KIF4B: variants seen among roughly 807,000 people sequenced by gnomAD.
KIF4B encodes the protein chromosome-associated kinesin KIF4B.
Under a neutral mutation model 69.0 loss-of-function variants are expected in KIF4B, and 60 were observed. That is an observed-to-expected ratio of 0.87 (90% CI 0.71 to 1.08). The LOEUF is 1.08. Among genes scored for constraint, KIF4B ranks in the 50% least tolerant of loss-of-function variants. KIF4B has a pLI of 0.00. For missense variants in KIF4B, 1,357 were observed against 1,451.9 expected (o/e 0.93, Z 1.06); for synonymous variants, 489 against 533.0 (o/e 0.92, Z 1.14).
chr5:155,015,603 C>T lies in KIF4B; in HGVS notation c.1744C>T (p.Leu582Phe). The change falls in exon 1 of 1, where the codon CTT becomes TTT. Residue 582 changes from leucine to phenylalanine, a missense_variant. By Grantham distance (22) the Leu-to-Phe change is conservative (BLOSUM62 0). Coordinates refer to ENST00000435029, the MANE Select transcript of KIF4B (RefSeq NM_001099293.3). ...GGAAAAGGAAGAATTGGTTCGTGAA[C>T]TTCAGACAGCAAAGAAGAATGTCAA... ...QKEKEELVRE[L>F]QTAKKNVNQA... is the part of the protein sequence containing the mutation. 7.4e-6 allele frequency: 12 copies of T among 1,614,210 alleles called. No individual in the cohort carries two copies. The highest frequency in any genetic ancestry group is 1.0e-5 in the Non-Finnish European group (12 of 1,180,050).
chr5:155,014,563 A>C lies in KIF4B; in HGVS notation c.704A>C (p.Lys235Thr). 6.2e-7 allele frequency: 1 copy of C among 1,614,146 alleles called. No homozygotes were observed. Among genetic ancestry groups the C allele is most frequent in the Non-Finnish European group, 8.5e-7 (1 of 1,180,006 alleles). The change falls in exon 1 of 1, where the codon AAG (lysine) becomes ACG (threonine). Residue 235 changes from lysine to threonine, a missense_variant. Transcript: ENST00000435029. ...GACAAGAATTGCAGCTTTCGCTCCA[A>C]GCTGCATCTTGTAGATCTCGCTGGA... ...KSDKNCSFRS[K>T]LHLVDLAGSE...
At position 155,014,428 on chromosome 5, in the gene KIF4B, GT is replaced by G; in HGVS notation, c.572del (p.Leu191TrpfsTer15). 1 of 1,614,178 alleles carries G rather than the reference GT, an allele frequency of 6.2e-7. No individual in the cohort carries two copies. On this transcript the variant is annotated frameshift_variant, in exon 1 of 1. Transcript: ENST00000435029. LOFTEE classifies it high-confidence loss of function. ...TTAGTTGCCTTGGATACTGTTTCCTGTTTGGAGCAGGGCAACAACTCTAGGA... is the reference window on the plus strand; with the variant it reads ...TTAGTTGCCTTGGATACTGTTTCCTGTTGGAGCAGGGCAACAACTCTAGGA... The part of the protein sequence containing the change: ...TVLVALDTVS[C>X]LEQGNNSRTV...
chr5:155,016,703 A>G lies in KIF4B; in HGVS notation c.2844A>G (p.Leu948=). The change falls in exon 1 of 1, where the codon TTA becomes TTG. Residue 948 remains leucine (L), a synonymous_variant. Transcript: ENST00000435029. ...LQESQMAEKQ[L]EKSASEKEQQ... ...AAAGCCAAATGGCAGAGAAGCAGTTAGAGAAATCAGCCAGTGAAAAGGAAC... is the reference window on the plus strand; with the variant it reads ...AAAGCCAAATGGCAGAGAAGCAGTTGGAGAAATCAGCCAGTGAAAAGGAAC... 1 of 1,614,238 alleles carries G rather than the reference A, an allele frequency of 6.2e-7. No homozygotes were observed. Among genetic ancestry groups the G allele is most frequent in the Non-Finnish European group, 8.5e-7 (1 of 1,180,042 alleles).
chr5:155,016,712 A>T lies in KIF4B; in HGVS notation c.2853A>T (p.Ser951=), dbSNP rs1765338382. 6.2e-7 allele frequency: 1 copy of T among 1,614,244 alleles called. No individual in the cohort carries two copies. The highest frequency in any genetic ancestry group is 2.2e-5 in the East Asian group (1 of 44,876). ...SQMAEKQLEK[S]ASEKEQQLVS... ...TGGCAGAGAAGCAGTTAGAGAAATC[A>T]GCCAGTGAAAAGGAACAACAGCTGG... Residue 951 remains serine (S), a synonymous_variant, in exon 1 of 1, where the codon TCA becomes TCT. Transcript: ENST00000435029.
chr5:155,014,662 T>C lies in KIF4B; in HGVS notation c.803T>C (p.Leu268Pro). 1 of 1,614,144 alleles carries C rather than the reference T, an allele frequency of 6.2e-7. No individual in the cohort carries two copies. The highest frequency in any genetic ancestry group is 8.5e-7 in the Non-Finnish European group (1 of 1,180,014). ...GGTATTAATATTAACCGAGGCCTCC[T>C]ATGCTTGGGAAATGTAATCAGTGCT... ...KEGININRGL[L>P]CLGNVISALG... Residue 268 changes from leucine to proline, a missense_variant, in exon 1 of 1, where the codon CTA becomes CCA. Leu to Pro is a moderately conservative substitution (Grantham distance 98). Coordinates refer to ENST00000435029, the MANE Select transcript of KIF4B (RefSeq NM_001099293.3).
chr5:155,017,780 AC>A lies in KIF4B; in HGVS notation c.*218del. On this transcript the variant is annotated 3_prime_UTR_variant, in exon 1 of 1. Transcript: ENST00000435029. Reference sequence around the variant, plus strand: ...TCTCTGCTCTCTAGAAGGCTGCTAAACCACCTGCTGAAGAGAGAACCAACAG... The same window carrying A: ...TCTCTGCTCTCTAGAAGGCTGCTAAACACCTGCTGAAGAGAGAACCAACAG... 1.2e-6 allele frequency: 1 copy of A among 802,638 alleles called. No individual in the cohort carries two copies. The highest frequency in any genetic ancestry group is 1.9e-6 in the Non-Finnish European group (1 of 521,698). The allele number at this position is 802,638 out of a possible 1,614,324, so 49.7% of individuals were successfully genotyped here. A position where few individuals can be genotyped will look rare whatever the true frequency, so the allele number is the denominator to read the frequency against.
In KIF4B at chr5:155,016,875, C is replaced by A. The variant is rs771771467; in HGVS notation, c.3016C>A (p.Leu1006Ile). The A allele has an allele frequency of 1.9e-6, 3 of 1,614,208 alleles. No individual in the cohort carries two copies. The South Asian group carries it at 3.3e-5, about 18-fold the overall frequency. The change falls in exon 1 of 1, where the codon CTT becomes ATT. Residue 1006 changes from leucine to isoleucine, a missense_variant. Transcript: ENST00000435029. Reference protein sequence around the residue: ...LLQVASRQKHLPNDTLLSPDS... With the variant: ...LLQVASRQKHIPNDTLLSPDS... ...CCAGGTAGCCAGCAGACAGAAACAT[C>A]TTCCTAATGATACCCTTCTATCTCC...
At position 155,016,550 on chromosome 5, in the gene KIF4B, C is replaced by T. The variant is rs1765336176; in HGVS notation, c.2691C>T (p.Asp897=). The T allele has an allele frequency of 6.2e-7, 1 of 1,614,182 alleles. No homozygotes were observed. The highest frequency in any genetic ancestry group is 8.5e-7 in the Non-Finnish European group (1 of 1,180,048). ...SLRQSKASCA[D]MQKMLFEEQN... ...GACAGAGCAAGGCCAGCTGTGCTGA[C>T]ATGCAGAAGATGCTATTTGAGGAAC... The change falls in exon 1 of 1, where the codon GAC becomes GAT. Residue 897 remains aspartate (D), a synonymous_variant. Transcript: ENST00000435029.
rs751588085 is a variant in KIF4B, at chr5:155,014,986, C to G, written c.1127C>G (p.Ser376Cys). ...GCCCATGGAGGTACCCTGCCTGGAT[C>G]TATAAATGCAGAACCATCAGAGAAT... ...LQAHGGTLPG[S>C]INAEPSENLQ... The change falls in exon 1 of 1, where the codon TCT (serine) becomes TGT (cysteine). Residue 376 changes from serine (S) to cysteine (C), a missense_variant. Ser to Cys is a moderately radical substitution (Grantham distance 112, BLOSUM62 -1). Coordinates refer to ENST00000435029, the MANE Select transcript of KIF4B (RefSeq NM_001099293.3). 3.0e-5 allele frequency: 49 copies of G among 1,614,106 alleles called. No individual in the cohort carries two copies. The highest frequency in any genetic ancestry group is 3.3e-4 in the Middle Eastern group (2 of 6,084).
In KIF4B at chr5:155,016,321, A is replaced by G; in HGVS notation, c.2462A>G (p.Glu821Gly). Residue 821 changes from glutamate (E) to glycine (G), a missense_variant, in exon 1 of 1, where the codon GAA becomes GGA. Coordinates refer to ENST00000435029, the MANE Select transcript of KIF4B (RefSeq NM_001099293.3). ...GAAGATTGTATTACAAAACAGATTG[A>G]AAGCCTAGAGACTGAAATGGAACTC... ...ESEDCITKQI[E>G]SLETEMELRS... 6.2e-7 allele frequency: 1 copy of G among 1,614,224 alleles called. No individual in the cohort carries two copies. Among genetic ancestry groups the G allele is most frequent in the Non-Finnish European group, 8.5e-7 (1 of 1,180,048 alleles).
Position 155,015,832 on chromosome 5 carries a change from C to T in KIF4B, c.1973C>T (p.Ala658Val), listed in dbSNP as rs756077306. 6.2e-7 allele frequency: 1 copy of T among 1,614,118 alleles called. No individual in the cohort carries two copies. The highest frequency in any genetic ancestry group is 1.7e-5 in the Admixed American group (1 of 60,030). Residue 658 changes from alanine to valine, a missense_variant, in exon 1 of 1, where the codon GCT becomes GTT. Physicochemically the swap from Ala to Val is moderately conservative, Grantham distance 64. Transcript: ENST00000435029. Reference sequence around the variant, plus strand: ...TTAATGCGTCAAATGAAAGAGGATGCTGAGAAGTTTAGACAATGGAAGCAG... The same window carrying T: ...TTAATGCGTCAAATGAAAGAGGATGTTGAGAAGTTTAGACAATGGAAGCAG... ...VQLMRQMKEDAEKFRQWKQKK... is the reference protein window; with the variant it reads ...VQLMRQMKEDVEKFRQWKQKK...
Position 155,013,791 on chromosome 5 carries a change from C to T in KIF4B, c.-69C>T. The T allele has an allele frequency of 6.3e-7, 1 of 1,587,220 alleles. No individual in the cohort carries two copies. ...TTGGCGGTTAAAGCTCCGGCTGGGA[C>T]AGGGCGGCGGGAGACCCCGGGTGAA... On this transcript the variant is annotated 5_prime_UTR_variant, in exon 1 of 1. Coordinates refer to ENST00000435029, the MANE Select transcript of KIF4B (RefSeq NM_001099293.3).
rs1765331235 is a variant in KIF4B at position 155,016,292 on chromosome 5, G to A, written c.2433G>A (p.Glu811=). The change falls in exon 1 of 1, where the codon GAG becomes GAA. Residue 811 remains glutamate (E), a synonymous_variant. Coordinates refer to ENST00000435029, the MANE Select transcript of KIF4B (RefSeq NM_001099293.3). ...SLSEVHGQVL[E]SEDCITKQIE... ...CTGAGGTGCATGGTCAAGTTTTGGA[G>A]TCAGAAGATTGTATTACAAAACAGA... is the stretch of plus-strand genomic sequence containing the variant. 1.2e-6 allele frequency: 2 copies of A among 1,614,104 alleles called. No homozygotes were observed. The highest frequency in any genetic ancestry group is 1.7e-6 in the Non-Finnish European group (2 of 1,180,046).
chr5:155,016,160 C>A lies in KIF4B; in HGVS notation c.2301C>A (p.Leu767=). ...TEEAKRHLND[L]LEDRKILAQD... ...AAGCCAAACGCCATCTGAATGACCT[C>A]CTTGAAGACAGAAAGATCCTGGCTC... The change falls in exon 1 of 1, where the codon CTC becomes CTA. Residue 767 remains leucine, a synonymous_variant. Transcript: ENST00000435029. The A allele has an allele frequency of 1.9e-6, 3 of 1,614,152 alleles. No homozygotes were observed. The highest frequency in any genetic ancestry group is 2.5e-6 in the Non-Finnish European group (3 of 1,180,040).
chr5:155,017,262 A>T lies in KIF4B; in HGVS notation c.3403A>T (p.Thr1135Ser), dbSNP rs369047622. 20 of 1,614,076 alleles carry T rather than the reference A, an allele frequency of 1.2e-5. No homozygotes were observed. The African/African-American group carries it at 1.6e-4, about 13-fold the overall frequency. ...GGATAGCTTGGGCACTGTTGAACAG[A>T]CCCAGGATTCCGAAGGCTCCTTCAA... Reference protein sequence around the residue: ...GKDSLGTVEQTQDSEGSFKLE... With the variant: ...GKDSLGTVEQSQDSEGSFKLE... Residue 1135 changes from threonine (T) to serine (S), a missense_variant, in exon 1 of 1, where the codon ACC (threonine) becomes TCC (serine). Coordinates refer to ENST00000435029, the MANE Select transcript of KIF4B (RefSeq NM_001099293.3).
rs754976941 is a variant in KIF4B, at chr5:155,016,956, A to C, written c.3097A>C (p.Lys1033Gln). 1.9e-6 allele frequency: 3 copies of C among 1,614,204 alleles called. No individual in the cohort carries two copies. The East Asian group carries it at 6.7e-5, about 36-fold the overall frequency. Reference protein sequence around the residue: ...PKPKPSRVKEKFLEQSMDIED... With the variant: ...PKPKPSRVKEQFLEQSMDIED... ...GCCAAAACCTTCTCGTGTTAAAGAAAAGTTTCTGGAGCAAAGCATGGACAT... is the reference window on the plus strand; with the variant it reads ...GCCAAAACCTTCTCGTGTTAAAGAACAGTTTCTGGAGCAAAGCATGGACAT... The change falls in exon 1 of 1, where the codon AAG becomes CAG. Residue 1033 changes from lysine to glutamine, a missense_variant. Physicochemically the swap from Lys to Gln is moderately conservative, Grantham distance 53. Coordinates refer to ENST00000435029, the MANE Select transcript of KIF4B (RefSeq NM_001099293.3).
chr5:155,014,689 T>C lies in KIF4B; in HGVS notation c.830T>C (p.Leu277Pro). Residue 277 changes from leucine (L) to proline (P), a missense_variant, in exon 1 of 1, where the codon CTT becomes CCT. Transcript: ENST00000435029. Reference sequence around the variant, plus strand: ...TGCTTGGGAAATGTAATCAGTGCTCTTGGAGATGACAAAAAGGGTAGCTTT... The same window carrying C: ...TGCTTGGGAAATGTAATCAGTGCTCCTGGAGATGACAAAAAGGGTAGCTTT... ...LLCLGNVISA[L>P]GDDKKGSFVP... 6.2e-7 allele frequency: 1 copy of C among 1,614,136 alleles called. No homozygotes were observed. Among genetic ancestry groups the C allele is most frequent in the South Asian group, 1.1e-5 (1 of 91,080 alleles).
chr5:155,014,388 A>G lies in KIF4B; in HGVS notation c.529A>G (p.Thr177Ala). The G allele has an allele frequency of 6.2e-7, 1 of 1,614,238 alleles. No homozygotes were observed. Among genetic ancestry groups the G allele is most frequent in the Non-Finnish European group, 8.5e-7 (1 of 1,180,032 alleles). Reference sequence around the variant, plus strand: ...GGAAGGCATAAAGATTGTGGGACTCACTGAGAAGACTGTTTTAGTTGCCTT... The same window carrying G: ...GGAAGGCATAAAGATTGTGGGACTCGCTGAGAAGACTGTTTTAGTTGCCTT... ...PKEGIKIVGL[T>A]EKTVLVALDT... The change falls in exon 1 of 1, where the codon ACT (threonine) becomes GCT (alanine). Residue 177 changes from threonine (T) to alanine (A), a missense_variant. Transcript: ENST00000435029.
Position 155,014,552 on chromosome 5 carries a change from C to G in KIF4B, c.693C>G (p.Ser231Arg), listed in dbSNP as rs1327195599. The change falls in exon 1 of 1, where the codon AGC becomes AGG. Residue 231 changes from serine (S) to arginine (R), a missense_variant. Physicochemically the swap from Ser to Arg is moderately radical, Grantham distance 110. Transcript: ENST00000435029. Reference sequence around the variant, plus strand: ...GAAAGAAAAGTGACAAGAATTGCAGCTTTCGCTCCAAGCTGCATCTTGTAG... The same window carrying G: ...GAAAGAAAAGTGACAAGAATTGCAGGTTTCGCTCCAAGCTGCATCTTGTAG... ...EQRKKSDKNC[S>R]FRSKLHLVDL... is the part of the protein sequence containing the mutation. 16 of 1,614,120 alleles carry G rather than the reference C, an allele frequency of 9.9e-6. No homozygotes were observed. Among genetic ancestry groups the G allele is most frequent in the Non-Finnish European group, 1.4e-5 (16 of 1,179,992 alleles).
Sources: allele counts gnomAD v4.1 joint callset, GRCh38; gene constraint gnomAD v4.1.1; transcripts MANE v1.5; gene names NCBI Gene and HGNC (gene_info 2026-07-23, HGNC 2026-07-21).